The following MLLT3 variants were observed in gnomAD, a reference collection of about 807,000 sequenced individuals.
MLLT3 encodes MLLT3 super elongation complex subunit, also known as protein AF-9.
In MLLT3, 4 loss-of-function variants were observed where a neutral mutation model predicts 53.2. The observed-to-expected ratio is 0.08, with a 90% CI of 0.04 to 0.17. MLLT3 has a LOEUF of 0.17. Among genes scored for constraint, MLLT3 ranks in the 10% least tolerant of loss-of-function variants. The probability of loss-of-function intolerance (pLI) is 1.00; values close to 1 mark genes in which losing one functional copy is unlikely to be tolerated. For synonymous variants in MLLT3, 283 were observed against 230.6 expected (o/e 1.23, Z -2.06); for missense variants, 569 against 684.0 (o/e 0.83, Z 1.87).
chr9:20,531,934 A>G (rs1301090772), intron 2 of MLLT3, among the ~76,000 whole-genome samples: 1 of 152,028 alleles, frequency 6.6e-6, no homozygotes, highest in Non-Finnish European at 1.5e-5. Context: ...GAAAAGCTAA[A>G]AATTTTCATT....
At chr9:20,494,203 T>G (rs1825020313) in intron 2 of MLLT3, among the ~76,000 whole-genome samples, 1 of 152,144 alleles carries the variant, frequency 6.6e-6, no homozygotes, top group African/African-American at 2.4e-5. Flanking sequence ...TCCTAGGAAT[T>G]CTTTTATCAG....
chr9:20,427,666 C>T (rs990572642), intron 4 of MLLT3, among the ~76,000 whole-genome samples: 1 of 150,614 alleles, frequency 6.6e-6, no homozygotes, highest in African/African-American at 2.4e-5. Flanking sequence ...TGAAGAACAC[C>T]AAAACAAAAA....
intron 4 of MLLT3, among the ~76,000 whole-genome samples, chr9:20,442,270 G>C (rs1428116009): frequency 6.6e-6 from 1 of 152,084 alleles, no homozygotes; most frequent in Non-Finnish European, 1.5e-5. Flanking sequence ...TTTGGTGCAG[G>C]CATAGAGTAG....
rs562934662 is a variant in MLLT3 at position 20,537,752 on chromosome 9, T to C, written c.194-80966A>G. ...TACCATTAAATTTATAAACTTCAGA[T>C]CCTGCAGATGATTTATTGCCCTATG... On this transcript the variant is annotated intron_variant, in intron 2 of 10. Transcript: ENST00000380338. Among the ~76,000 whole-genome samples the C allele has an allele frequency of 6.2e-4, 95 of 152,278 alleles. 1 individual carries two copies. Among genetic ancestry groups the C allele is most frequent in the Non-Finnish European group, 1.2e-3 (79 of 68,014 alleles).
rs776694781 is a variant in MLLT3, at chr9:20,620,906, G to A, written c.13-72C>T. ...GGTTTCGGCAGTGAACGTTGCGCCT[G>A]ACATTTTTTTCCTCCTTCTTGAAAC... On this transcript the variant is annotated intron_variant, in intron 1 of 10. Transcript: ENST00000380338. The surrounding 1 kb of genome is among the most constrained non-coding windows in gnomAD (Gnocchi z 6.1). 1 of 1,526,510 alleles carries A rather than the reference G, an allele frequency of 6.6e-7. No homozygotes were observed. Among genetic ancestry groups the A allele is most frequent in the South Asian group, 1.1e-5 (1 of 89,214 alleles). The allele number at this position is 1,526,510 out of a possible 1,614,324, so 94.6% of individuals were successfully genotyped here.
In MLLT3 at chr9:20,414,422, G is replaced by A. The variant is rs1458256481; in HGVS notation, c.424C>T (p.Pro142Ser). Reference protein sequence around the residue: ...RRKLLKAGGDPNRSIHTSSSS... With the variant: ...RRKLLKAGGDSNRSIHTSSSS... ...CTGCTGGTATGAATACTCCTATTAG[G>A]GTCCTGCAAAAAGGGGAGAAGAAAA... Residue 142 changes from proline (P) to serine (S), a missense_variant, in exon 5 of 11, where the codon CCT becomes TCT. Physicochemically the swap from Pro to Ser is moderately conservative, Grantham distance 74 (BLOSUM62 -1). Transcript: ENST00000380338. 6.2e-7 allele frequency: 1 copy of A among 1,603,186 alleles called. No homozygotes were observed. The highest frequency in any genetic ancestry group is 1.3e-5 in the African/African-American group (1 of 74,710).
chr9:20,384,990 T>A (rs1821999205), intron 5 of MLLT3, among the ~76,000 whole-genome samples: 1 of 152,120 alleles, frequency 6.6e-6, no homozygotes, highest in Admixed American at 6.6e-5. Flanking sequence ...TTAGATCTCA[T>A]AATCAACTAA....
chr9:20,438,963 C>T (rs898825206), intron 4 of MLLT3, among the ~76,000 whole-genome samples: 3 of 152,078 alleles, frequency 2.0e-5, no homozygotes, highest in African/African-American at 7.2e-5. Context: ...TTCACACTAC[C>T]CACAGGCCCA....
chr9:20,396,897 T>C (rs1043975635), intron 5 of MLLT3, among the ~76,000 whole-genome samples: 23 of 152,138 alleles, frequency 1.5e-4, no homozygotes, highest in African/African-American at 4.1e-4. Context: ...ACAATCAAGA[T>C]TTCTGGCTAG....
In MLLT3 at chr9:20,345,124, C is replaced by G. The variant is rs1820833774; in HGVS notation, c.*1319G>C. 1 of 222,586 alleles carries G rather than the reference C, an allele frequency of 4.5e-6. No individual in the cohort carries two copies. Among genetic ancestry groups the G allele is most frequent in the Non-Finnish European group, 9.0e-6 (1 of 111,536 alleles). 13.8% of individuals were successfully genotyped at this position (222,586 alleles called of 1,614,324 possible). ...ATGCCACAGGACAGATTTCTAGTTT[C>G]AAAACAAGGGTACAACAAGAACAAA... On this transcript the variant is annotated 3_prime_UTR_variant, in exon 11 of 11. Coordinates refer to ENST00000380338, the MANE Select transcript of MLLT3 (RefSeq NM_004529.4).
At chr9:20,520,673 T>A (rs1389603257) in intron 2 of MLLT3, among the ~76,000 whole-genome samples, 2 of 152,164 alleles carry the variant, frequency 1.3e-5, no homozygotes, top group Non-Finnish European at 2.9e-5. Context: ...AGTACAGACT[T>A]CCCTAGAGAC....
intron 2 of MLLT3, among the ~76,000 whole-genome samples, chr9:20,463,172 C>T (rs10964564): frequency 2.6e-5 from 4 of 151,646 alleles, no homozygotes; most frequent in South Asian, 2.1e-4. Flanking sequence ...TCCAAATTGG[C>T]TATATTGCAA....
At chr9:20,541,173 A>G (rs1238826989) in intron 2 of MLLT3, among the ~76,000 whole-genome samples, 2 of 152,220 alleles carry the variant, frequency 1.3e-5, no homozygotes, top group Non-Finnish European at 2.9e-5. Context: ...TTCACTGTCC[A>G]TATCACTATC....
At chr9:20,531,028 GT>G (rs957101592) in intron 2 of MLLT3, among the ~76,000 whole-genome samples, 6 of 141,594 alleles carry the variant, frequency 4.2e-5, no homozygotes, top group Admixed American at 2.1e-4. Context: ...GATACTTCTA[GT>G]TTTTTTCCCA....
intron 2 of MLLT3, among the ~76,000 whole-genome samples, chr9:20,463,296 A>G (rs1156964234): frequency 6.6e-6 from 1 of 151,618 alleles, no homozygotes; most frequent in Admixed American, 6.6e-5. Context: ...GGGAGGAGAA[A>G]TTTTCTTTAA....
At chr9:20,502,540 T>C (rs1376165935) in intron 2 of MLLT3, among the ~76,000 whole-genome samples, 1 of 152,206 alleles carries the variant, frequency 6.6e-6, no homozygotes, top group Non-Finnish European at 1.5e-5. Context: ...AAAAATTACA[T>C]CTGTACTGAA....
At chr9:20,564,520 T>A (rs770387198) in intron 2 of MLLT3, among the ~76,000 whole-genome samples, 1 of 152,162 alleles carries the variant, frequency 6.6e-6, no homozygotes, top group Non-Finnish European at 1.5e-5. Context: ...CAGCCTCACC[T>A]ACTAAAAGTA....
intron 2 of MLLT3, among the ~76,000 whole-genome samples, chr9:20,507,095 T>C (rs1249546677): frequency 6.6e-6 from 1 of 152,100 alleles, no homozygotes; most frequent in Non-Finnish European, 1.5e-5. Flanking sequence ...CGAAAGTGAG[T>C]AGTAAATTTT....
rs1308276363 is a variant in MLLT3 at position 20,594,499 on chromosome 9, G to A, written c.193+26155C>T. On this transcript the variant is annotated intron_variant, in intron 2 of 10. Transcript: ENST00000380338. ...AAGGGAGGGGGGCAATATGTCAGAG[G>A]TGTTTGAACCAGAGCAAGTCCATGT... Among the ~76,000 whole-genome samples, 3 of 152,236 alleles carry A rather than the reference G, an allele frequency of 2.0e-5. No homozygotes were observed. In the East Asian group the frequency reaches 5.8e-4, roughly 29 times the overall value.
Sources: allele counts gnomAD v4.1 joint callset (sites outside exome capture counted in the v4.1 genomes callset), GRCh38; gene constraint gnomAD v4.1.1; non-coding constraint Gnocchi (gnomAD v3.1); transcripts MANE v1.5; gene names NCBI Gene and HGNC (gene_info 2026-07-23, HGNC 2026-07-21).